Variants in USH2A observed in about 807,000 individuals in gnomAD.
The protein encoded by USH2A is usherin.
Under a neutral mutation model 538.9 loss-of-function variants are expected in USH2A, and 443 were observed. The ratio of observed to expected loss-of-function variants is 0.82; its 90% CI spans 0.76 to 0.89. The LOEUF is 0.89. Among genes scored for constraint, USH2A ranks in the 40% least tolerant of loss-of-function variants. The pLI, the probability that USH2A is intolerant of heterozygous loss-of-function variation, is 0.00. For synonymous variants in USH2A, 2,413 were observed against 2,273.5 expected (o/e 1.06, Z -1.75); for missense variants, 6,633 against 6,324.8 (o/e 1.05, Z -1.65).
At chr1:216,259,696 T>C (rs555855988) in intron 11 of USH2A, among the ~76,000 whole-genome samples, 2 of 152,220 alleles carry the variant, frequency 1.3e-5, no homozygotes, top group African/African-American at 4.8e-5. Context: ...GATACAGGTG[T>C]TAACTAAGAC....
chr1:215,849,178 C>T (rs1037689607), intron 44 of USH2A, among the ~76,000 whole-genome samples: 12 of 152,152 alleles, frequency 7.9e-5, no homozygotes, highest in Non-Finnish European at 1.5e-4. Context: ...TGTCTAGAAC[C>T]TTCCAAGGCA....
chr1:215,771,496 C>T (rs1344541095), intron 55 of USH2A, among the ~76,000 whole-genome samples: 2 of 138,136 alleles, frequency 1.4e-5, no homozygotes, highest in Non-Finnish European at 3.1e-5. Context: ...AGGAGAATGG[C>T]GTGAACCCAG....
In USH2A at chr1:216,086,730, C is replaced by T. The variant is rs972682102; in HGVS notation, c.4976G>A (p.Arg1659Lys). The T allele has an allele frequency of 1.9e-5, 30 of 1,612,182 alleles. No homozygotes were observed. Among genetic ancestry groups the T allele is most frequent in the Non-Finnish European group, 2.5e-5 (29 of 1,178,832 alleles). ...CTTACTAAACTCACCAGGATCCTTCCTGAGGATGGTATAACTTCGCGGGAG... is the reference window on the plus strand; with the variant it reads ...CTTACTAAACTCACCAGGATCCTTCTTGAGGATGGTATAACTTCGCGGGAG... ...GGLPRSYTIL[R>K]KDPEIIQKGF... Residue 1659 changes from arginine (R) to lysine (K), a missense_variant, in exon 24 of 72, where the codon AGG becomes AAG. Transcript: ENST00000307340.
chr1:216,390,745 T>C (rs1437792971), intron 3 of USH2A, among the ~76,000 whole-genome samples: 6 of 152,116 alleles, frequency 3.9e-5, no homozygotes, highest in Admixed American at 2.0e-4. Flanking sequence ...ACACACCAAA[T>C]TTTGAAGGTT....
chr1:215,759,011 C>T (rs899842000), intron 57 of USH2A, among the ~76,000 whole-genome samples: 11 of 152,126 alleles, frequency 7.2e-5, no homozygotes, highest in African/African-American at 2.2e-4. Context: ...TCAGGAAAGT[C>T]TTGGAGTGTG....
chr1:216,320,731 T>C (rs986782796), intron 9 of USH2A, among the ~76,000 whole-genome samples: 1 of 152,200 alleles, frequency 6.6e-6, no homozygotes, highest in Non-Finnish European at 1.5e-5. Context: ...TGTTCATTTG[T>C]AAATTGCTTG....
chr1:215,874,242 C>G (rs1156960862), intron 43 of USH2A, among the ~76,000 whole-genome samples: 1 of 152,178 alleles, frequency 6.6e-6, no homozygotes, highest in Non-Finnish European at 1.5e-5. Flanking sequence ...ACAACCATAA[C>G]TTGCTCACTT....
chr1:215,716,498 G>A (rs1387193243), intron 61 of USH2A, among the ~76,000 whole-genome samples: 1 of 152,188 alleles, frequency 6.6e-6, no homozygotes, highest in East Asian at 1.9e-4. Context: ...CATGACATTA[G>A]TAATTGCTTT....
At chr1:216,165,363 A>G (rs1226356597) in intron 21 of USH2A, among the ~76,000 whole-genome samples, 1 of 152,178 alleles carries the variant, frequency 6.6e-6, no homozygotes, top group Non-Finnish European at 1.5e-5. Flanking sequence ...TGTGATAGCT[A>G]TGGTGGGGCA....
At chr1:216,398,050 AC>A (rs766510119) in intron 3 of USH2A, among the ~76,000 whole-genome samples, 2 of 152,184 alleles carry the variant, frequency 1.3e-5, no homozygotes, top group African/African-American at 2.4e-5. Context: ...ATGTCAGTTC[AC>A]TTTACAAAGA....
At chr1:216,145,668 C>T (rs1571997362) in intron 21 of USH2A, among the ~76,000 whole-genome samples, 1 of 152,096 alleles carries the variant, frequency 6.6e-6, no homozygotes, top group East Asian at 1.9e-4. Context: ...GCCCAGATGG[C>T]CTGAAGTAAC....
chr1:216,174,786 A>C, intron 21 of USH2A: 1 of 998,164 alleles, frequency 1.0e-6, no homozygotes. Flanking sequence ...AGAAAAAGAA[A>C]ACATTACATC....
chr1:215,692,401 T>G (rs573921530), intron 61 of USH2A, among the ~76,000 whole-genome samples: 27 of 152,046 alleles, frequency 1.8e-4, no homozygotes, highest in Non-Finnish European at 3.4e-4. Flanking sequence ...GATGGCAATT[T>G]TTCAATAATG....
At chr1:215,779,751 A>G (rs541219825) in intron 55 of USH2A, 92 bp downstream of exon 55, 2 of 1,473,934 alleles carry the variant, frequency 1.4e-6, no homozygotes, top group Non-Finnish European at 1.9e-6. Context: ...AAGTGACCTC[A>G]TATATCAAAC....
chr1:216,209,180 A>G (rs890581336), intron 15 of USH2A, among the ~76,000 whole-genome samples: 1 of 152,200 alleles, frequency 6.6e-6, no homozygotes, highest in Non-Finnish European at 1.5e-5. Flanking sequence ...ATGGGGACAG[A>G]ACTCAGGGAC....
chr1:216,009,643 C>T (rs1039673304), intron 32 of USH2A, among the ~76,000 whole-genome samples: 3 of 152,068 alleles, frequency 2.0e-5, no homozygotes, highest in African/African-American at 7.2e-5. Flanking sequence ...TTCTAACCTT[C>T]CTTTTCTACA....
chr1:216,207,025 A>T (rs959475023), intron 16 of USH2A, among the ~76,000 whole-genome samples: 2 of 152,088 alleles, frequency 1.3e-5, no homozygotes, highest in African/African-American at 4.8e-5. Flanking sequence ...ATTCCCATCA[A>T]TTCTTGATGG....
At chr1:216,366,537 A>T (rs566854249) in intron 3 of USH2A, among the ~76,000 whole-genome samples, 2 of 152,230 alleles carry the variant, frequency 1.3e-5, no homozygotes, top group South Asian at 4.2e-4. Flanking sequence ...ATTCTCAAAC[A>T]TCTTAAAATC....
At chr1:215,948,005 C>A in intron 37 of USH2A, among the ~76,000 whole-genome samples, 1 of 151,998 alleles carries the variant, frequency 6.6e-6, no homozygotes, top group Admixed American at 6.6e-5. Context: ...AAGTAAACCA[C>A]CTTTAGCTAA....
Sources: allele counts gnomAD v4.1 joint callset (sites outside exome capture counted in the v4.1 genomes callset), GRCh38; gene constraint gnomAD v4.1.1; transcripts MANE v1.5; gene names NCBI Gene and HGNC (gene_info 2026-07-23, HGNC 2026-07-21).